Variants in THSD7B observed in about 807,000 individuals in gnomAD.
THSD7B encodes the protein thrombospondin type 1 domain containing 7B.
In THSD7B, 138 loss-of-function variants were observed where a neutral mutation model predicts 213.6. The ratio of observed to expected loss-of-function variants is 0.65; its 90% CI spans 0.56 to 0.74. The LOEUF is 0.74. THSD7B is among the 30% of genes least tolerant of loss of function. The probability of loss-of-function intolerance (pLI) is 0.00; values close to 1 mark genes in which losing one functional copy is unlikely to be tolerated. For synonymous variants in THSD7B, 742 were observed against 687.0 expected, an observed-to-expected ratio of 1.08 and a Z score of -1.25; for missense variants, 1,931 against 1,991.5, an observed-to-expected ratio of 0.97 and a Z score of 0.58.
chr2:137,580,674 A>G (rs1681554548), intron 17 of THSD7B, among the ~76,000 whole-genome samples: 1 of 152,204 alleles, frequency 6.6e-6, no homozygotes, highest in Admixed American at 6.5e-5. Context: ...TGGGTAATTT[A>G]TAAGAAAGAG....
chr2:137,617,347 C>A (rs1257646885), intron 18 of THSD7B, among the ~76,000 whole-genome samples: 1 of 152,074 alleles, frequency 6.6e-6, no homozygotes, highest in Non-Finnish European at 1.5e-5. Flanking sequence ...TTTATATGAC[C>A]AAGGGTCTTC....
rs146497800 is a variant in THSD7B, at chr2:137,667,003, G to A, written c.4652-771G>A. 2.7e-4 allele frequency among the ~76,000 whole-genome samples: 41 copies of A among 152,108 alleles called. 2 individuals are homozygous for A. Among genetic ancestry groups the A allele is most frequent in the Admixed American group, 7.2e-4 (11 of 15,284 alleles). ...TTGTTTGGTCATGTGGTTTTTGTTT[G>A]CCTAGCATCATTTTGGAAGTAGAGC... On this transcript the variant is annotated intron_variant, in intron 26 of 27. Transcript: ENST00000409968.
At chr2:137,431,289 A>G (rs1017820348) in intron 14 of THSD7B, among the ~76,000 whole-genome samples, 3 of 152,206 alleles carry the variant, frequency 2.0e-5, no homozygotes, top group African/African-American at 7.2e-5. Context: ...CAGTTTGTCT[A>G]AAGACCTGGA....
intron 12 of THSD7B, among the ~76,000 whole-genome samples, chr2:137,308,884 C>T (rs1023923482): frequency 3.9e-5 from 6 of 152,062 alleles, no homozygotes; most frequent in Admixed American, 2.0e-4. Context: ...TGGTACAAAG[C>T]TACTGATCAT....
intron 12 of THSD7B, among the ~76,000 whole-genome samples, chr2:137,404,102 A>G (rs979138346): frequency 3.3e-5 from 5 of 152,170 alleles, no homozygotes; most frequent in African/African-American, 1.2e-4. Flanking sequence ...ATTAGTCCAG[A>G]GAATTCAGTA....
In THSD7B at chr2:137,487,925, G is replaced by A. The variant is rs1573655956; in HGVS notation, c.3138+36902G>A. Among the ~76,000 whole-genome samples the A allele has an allele frequency of 3.8e-5, 2 of 52,670 alleles. 1 individual carries two copies. The highest frequency in any genetic ancestry group is 1.0e-3 in the South Asian group (2 of 1,924). 34.6% of individuals were successfully genotyped at this position (52,670 alleles called of 152,430 possible). On this transcript the variant is annotated intron_variant, in intron 15 of 27. Transcript: ENST00000409968. ...ACTACAGGCGCCCGCCACTACGCCCGGCTAATTTTTTGTATTTTTAGTAGA... is the reference window on the plus strand; with the variant it reads ...ACTACAGGCGCCCGCCACTACGCCCAGCTAATTTTTTGTATTTTTAGTAGA...
At chr2:137,513,292 G>C (rs992476057) in intron 15 of THSD7B, among the ~76,000 whole-genome samples, 1 of 152,138 alleles carries the variant, frequency 6.6e-6, no homozygotes, top group Non-Finnish European at 1.5e-5. Flanking sequence ...GTTTTACTGC[G>C]ACACATATCT....
intron 12 of THSD7B, among the ~76,000 whole-genome samples, chr2:137,284,350 G>C (rs1338779108): frequency 6.6e-6 from 1 of 151,998 alleles, no homozygotes; most frequent in South Asian, 2.1e-4. Context: ...CAAAAATCCA[G>C]CTCCTGGATT....
intron 3 of THSD7B, among the ~76,000 whole-genome samples, chr2:137,087,951 G>A (rs540686438): frequency 6.6e-6 from 1 of 152,084 alleles, no homozygotes; most frequent in South Asian, 2.1e-4. Context: ...TATAAAATAG[G>A]TACACAGGCC....
At chr2:136,801,094 A>G (rs1165497398) in intron 1 of THSD7B, among the ~76,000 whole-genome samples, 1 of 152,004 alleles carries the variant, frequency 6.6e-6, no homozygotes, top group Non-Finnish European at 1.5e-5. Flanking sequence ...GATGGTTTGC[A>G]TATCTTTGCC....
At position 137,429,410 on chromosome 2, in the gene THSD7B, A is replaced by G. The variant is rs146430197; in HGVS notation, c.2959+17538A>G. On this transcript the variant is annotated intron_variant, in intron 14 of 27. Transcript: ENST00000409968. ...TAGTTGAATGCAAATATATATATGA[A>G]CATATCTGTGTATGTATATACACGT... 1.3e-3 allele frequency among the ~76,000 whole-genome samples: 198 copies of G among 152,292 alleles called. 1 individual carries two copies. The highest frequency in any genetic ancestry group is 4.7e-3 in the African/African-American group (195 of 41,562).
chr2:136,895,263 G>A (rs1683935250), intron 2 of THSD7B, among the ~76,000 whole-genome samples: 1 of 152,144 alleles, frequency 6.6e-6, no homozygotes, highest in Admixed American at 6.6e-5. Context: ...AAGAAACTGA[G>A]TTTGAAGAGT....
Position 137,421,602 on chromosome 2 carries a change from G to A in THSD7B, c.2959+9730G>A, listed in dbSNP as rs571121978. Among the ~76,000 whole-genome samples the A allele has an allele frequency of 2.6e-5, 4 of 152,308 alleles. 1 individual carries two copies. In the Middle Eastern group the frequency reaches 0.01, roughly 389 times the overall value. On this transcript the variant is annotated intron_variant, in intron 14 of 27. Transcript: ENST00000409968. ...GAATTTCCATGTGTTCAGCTATCTGGAAGCTCCCTGAACCTGGTCCTCTTG... is the reference window on the plus strand; with the variant it reads ...GAATTTCCATGTGTTCAGCTATCTGAAAGCTCCCTGAACCTGGTCCTCTTG...
At chr2:137,574,815 A>C (rs1681425639) in intron 17 of THSD7B, among the ~76,000 whole-genome samples, 1 of 152,160 alleles carries the variant, frequency 6.6e-6, no homozygotes, top group African/African-American at 2.4e-5. Context: ...GACAATGATA[A>C]TGAGAATGAT....
At chr2:137,326,200 A>C (rs576265792) in intron 12 of THSD7B, among the ~76,000 whole-genome samples, 33 of 152,316 alleles carry the variant, frequency 2.2e-4, no homozygotes, top group African/African-American at 7.7e-4. Context: ...GAGACCCATG[A>C]TCATAGCAAG....
intron 2 of THSD7B, among the ~76,000 whole-genome samples, chr2:136,887,336 C>G (rs1267961131): frequency 8.8e-6 from 1 of 113,786 alleles, no homozygotes; most frequent in African/African-American, 3.3e-5. Flanking sequence ...GTGTGACAGG[C>G]TTTTAAAATA....
At chr2:137,513,710 G>A (rs1680014018) in intron 15 of THSD7B, among the ~76,000 whole-genome samples, 1 of 152,094 alleles carries the variant, frequency 6.6e-6, no homozygotes, top group Non-Finnish European at 1.5e-5. Flanking sequence ...TCCTGAGGTA[G>A]AGCTAGAGCT....
chr2:137,305,996 AC>A (rs1420532118), intron 12 of THSD7B, among the ~76,000 whole-genome samples: 1 of 152,274 alleles, frequency 6.6e-6, no homozygotes, highest in East Asian at 1.9e-4. Flanking sequence ...AAAATATAGT[AC>A]AAAAGATAAA....
intron 20 of THSD7B, among the ~76,000 whole-genome samples, chr2:137,625,319 C>T (rs1382599902): frequency 9.2e-6 from 1 of 108,946 alleles, no homozygotes; most frequent in African/African-American, 3.8e-5. Context: ...ACACTGGGAC[C>T]TGTCATGGGG....
Sources: gnomAD v4.1 joint callset for allele counts (sites outside exome capture counted in the v4.1 genomes callset) on GRCh38, gnomAD v4.1.1 for gene constraint, MANE v1.5 for transcripts, NCBI Gene and HGNC (gene_info 2026-07-23, HGNC 2026-07-21) for gene names.